Variants in BARX2 observed in about 807,000 individuals in gnomAD.
BARX2 encodes the protein homeobox protein BarH-like 2.
A neutral mutation model predicts 25.5 loss-of-function variants in BARX2; 11 were observed. That is an observed-to-expected ratio of 0.43 (90% CI 0.27 to 0.71). BARX2 has a LOEUF of 0.71. Ranked by LOEUF, BARX2 falls within the 30% of genes least tolerant of loss-of-function variation. BARX2 has a pLI of 0.19. For missense variants in BARX2, 360 were observed against 359.9 expected (o/e 1.00, Z 0.00); for synonymous variants, 137 against 149.5 (o/e 0.92, Z 0.61).
intron 1 of BARX2, among the ~76,000 whole-genome samples, chr11:129,380,967 G>A (rs982310015): frequency 2.6e-5 from 4 of 152,124 alleles, no homozygotes; most frequent in African/African-American, 9.7e-5. Flanking sequence ...AGTAGAGACA[G>A]GGTTTCACCA....
rs1355266939 is a variant in BARX2, at chr11:129,390,750, T to G, written c.187+14528T>G. ...ATAACTGACAGCAGTCAATGACTTC[T>G]GATTGGGCAATGGCCTGGCCAGCCA... On this transcript the variant is annotated intron_variant, in intron 1 of 3. Transcript: ENST00000281437. This position sits in a 1 kb window ranked among gnomAD's most constrained non-coding sequence, Gnocchi z 4.3. Among the ~76,000 whole-genome samples, 1 of 152,238 alleles carries G rather than the reference T, an allele frequency of 6.6e-6. No individual in the cohort carries two copies. Among genetic ancestry groups the G allele is most frequent in the Non-Finnish European group, 1.5e-5 (1 of 68,038 alleles).
At chr11:129,399,832 T>C (rs1861758431) in intron 1 of BARX2, among the ~76,000 whole-genome samples, 1 of 152,214 alleles carries the variant, frequency 6.6e-6, no homozygotes, top group Non-Finnish European at 1.5e-5. Context: ...TGGTACCTTC[T>C]GGGTGCTGCC....
chr11:129,419,687 G>C (rs12575177), intron 1 of BARX2, among the ~76,000 whole-genome samples: 1 of 152,074 alleles, frequency 6.6e-6, no homozygotes, highest in African/African-American at 2.4e-5. Flanking sequence ...AAAGACACCA[G>C]GCTGATTTAG....
rs546138833 is a variant in BARX2 at position 129,387,210 on chromosome 11, C to T, written c.187+10988C>T. 9.5e-4 allele frequency among the ~76,000 whole-genome samples: 145 copies of T among 152,262 alleles called. 2 individuals are homozygous for T. Among genetic ancestry groups the T allele is most frequent in the Non-Finnish European group, 1.8e-3 (123 of 68,016 alleles). Reference sequence around the variant, plus strand: ...AACTCTCCAGTGAAACCTTATTCCTCGTAAAATGAACTAGCCAGGCTTGGG... The same window carrying T: ...AACTCTCCAGTGAAACCTTATTCCTTGTAAAATGAACTAGCCAGGCTTGGG... On this transcript the variant is annotated intron_variant, in intron 1 of 3. Transcript: ENST00000281437.
chr11:129,434,284 A>G (rs948684569), intron 1 of BARX2, among the ~76,000 whole-genome samples: 7 of 150,106 alleles, frequency 4.7e-5, no homozygotes, highest in African/African-American at 1.7e-4. Context: ...AGAATCTCTG[A>G]CTGGGCACGA....
intron 1 of BARX2, among the ~76,000 whole-genome samples, chr11:129,426,530 G>A (rs1025558542): frequency 1.3e-5 from 2 of 151,912 alleles, no homozygotes; most frequent in African/African-American, 2.4e-5. Context: ...GCACCACCAC[G>A]CCTGGCTAAT....
intron 1 of BARX2, among the ~76,000 whole-genome samples, chr11:129,418,727 G>A (rs1039426770): frequency 3.9e-5 from 6 of 152,110 alleles, no homozygotes; most frequent in South Asian, 2.1e-4. Context: ...TGAGAATTAC[G>A]GGGGCCTATT....
chr11:129,398,561 T>C (rs376536629), intron 1 of BARX2, among the ~76,000 whole-genome samples: 2 of 152,358 alleles, frequency 1.3e-5, no homozygotes, highest in African/African-American at 2.4e-5. Flanking sequence ...GCTGAAGTAA[T>C]TCTAATTGAG....
intron 1 of BARX2, among the ~76,000 whole-genome samples, chr11:129,381,280 A>G (rs1049723863): frequency 2.0e-5 from 3 of 152,326 alleles, no homozygotes; most frequent in Non-Finnish European, 2.9e-5. Flanking sequence ...CATTGAGTCT[A>G]TTATTTTGAA....
At chr11:129,409,200 T>G (rs1395161763) in intron 1 of BARX2, among the ~76,000 whole-genome samples, 1 of 152,234 alleles carries the variant, frequency 6.6e-6, no homozygotes, top group Non-Finnish European at 1.5e-5. Context: ...CTCTGAAATT[T>G]CATGTTCTCT....
intron 2 of BARX2, 127 bp from the exon 3 acceptor site, chr11:129,442,708 G>A (rs79325083): frequency 0.06 from 49,845 of 831,088 alleles, 1,710 homozygotes; most frequent in Non-Finnish European, 0.067. Flanking sequence ...GGAAGACCTC[G>A]TTTAATGGGG....
chr11:129,405,270 G>C (rs1365424722), intron 1 of BARX2, among the ~76,000 whole-genome samples: 1 of 152,128 alleles, frequency 6.6e-6, no homozygotes, highest in African/African-American at 2.4e-5. Context: ...AGTTGACTTG[G>C]GTTAATTTTC....
At chr11:129,394,925 T>A (rs983164939) in intron 1 of BARX2, among the ~76,000 whole-genome samples, 2 of 128,934 alleles carry the variant, frequency 1.6e-5, no homozygotes, top group African/African-American at 3.1e-5. Flanking sequence ...GAAGCTATAG[T>A]CCACTCAGCA....
At chr11:129,426,262 C>A (rs890619714) in intron 1 of BARX2, among the ~76,000 whole-genome samples, 1 of 152,070 alleles carries the variant, frequency 6.6e-6, no homozygotes, top group Non-Finnish European at 1.5e-5. Context: ...TATGGGGACA[C>A]GGTCATGGAA....
Position 129,403,932 on chromosome 11 carries a change from C to T in BARX2, c.187+27710C>T, listed in dbSNP as rs137876654. The stretch of plus-strand genomic sequence containing the variant: ...TCAGAGACAGGGTCTTGCTATGTTG[C>T]CCAGGCTAACTAGTACTTTTCTGAA... On this transcript the variant is annotated intron_variant, in intron 1 of 3. Transcript: ENST00000281437. Among the ~76,000 whole-genome samples the T allele has an allele frequency of 1.8e-3, 281 of 152,156 alleles. 2 individuals are homozygous for T. The highest frequency in any genetic ancestry group is 6.4e-3 in the African/African-American group (265 of 41,500).
chr11:129,424,973 T>C (rs1366977716), intron 1 of BARX2, among the ~76,000 whole-genome samples: 1 of 152,224 alleles, frequency 6.6e-6, no homozygotes, highest in African/African-American at 2.4e-5. Context: ...AAAAAATCAG[T>C]GCCTTTTTTG....
rs185585068 is a variant in BARX2, at chr11:129,432,148, C to T, written c.188-4603C>T. Among the ~76,000 whole-genome samples, 1,368 of 152,102 alleles carry T rather than the reference C, an allele frequency of 9.0e-3. 16 individuals carry two copies. Among genetic ancestry groups the T allele is most frequent in the Middle Eastern group, 0.041 (12 of 294 alleles). ...CATGATCTCAGCTCACTGCAACCTC[C>T]GCCTCCCGGGTTCAAGGGATTCTTA... On this transcript the variant is annotated intron_variant, in intron 1 of 3. Coordinates refer to ENST00000281437, the MANE Select transcript of BARX2 (RefSeq NM_003658.5).
intron 2 of BARX2, among the ~76,000 whole-genome samples, chr11:129,440,301 ACT>A (rs1862241749): frequency 6.6e-6 from 1 of 152,186 alleles, no homozygotes; most frequent in Non-Finnish European, 1.5e-5. Context: ...GTGAGCTAAC[ACT>A]GTTTGCTAAT....
intron 1 of BARX2, among the ~76,000 whole-genome samples, chr11:129,398,620 G>A (rs1409621009): frequency 1.3e-5 from 2 of 152,196 alleles, no homozygotes; most frequent in East Asian, 3.9e-4. Flanking sequence ...AGTTGCAACA[G>A]GTGAACTAAA....
Sources: gnomAD v4.1 joint callset for allele counts (sites outside exome capture counted in the v4.1 genomes callset) on GRCh38, gnomAD v4.1.1 for gene constraint, Gnocchi (gnomAD v3.1) non-coding constraint, MANE v1.5 for transcripts, NCBI Gene and HGNC (gene_info 2026-07-23, HGNC 2026-07-21) for gene names.